The following PTPRG variants were observed in gnomAD, a reference collection of about 807,000 sequenced individuals.
The protein encoded by PTPRG is protein tyrosine phosphatase receptor type G, also known as receptor-type tyrosine-protein phosphatase gamma.
In PTPRG, 102 loss-of-function variants were observed where a neutral mutation model predicts 165.3. That is an observed-to-expected ratio of 0.62 (90% confidence interval 0.53 to 0.73). PTPRG has a LOEUF of 0.73. Among genes scored for constraint, PTPRG ranks in the 30% least tolerant of loss-of-function variants. The pLI, the probability that PTPRG is intolerant of heterozygous loss-of-function variation, is 0.00. For missense variants in PTPRG, 1,866 were observed against 1,861.4 expected (o/e 1.00, Z -0.05); for synonymous variants, 675 against 669.5 (o/e 1.01, Z -0.13).
intron 2 of PTPRG, among the ~76,000 whole-genome samples, chr3:61,810,593 G>C (rs1303533997): frequency 6.6e-6 from 1 of 152,106 alleles, no homozygotes; most frequent in Admixed American, 6.6e-5. Context: ...TGCAGACCCA[G>C]CTAGAAGACA....
intron 6 of PTPRG, among the ~76,000 whole-genome samples, chr3:62,141,007 A>G (rs552762773): frequency 6.6e-6 from 1 of 152,270 alleles, no homozygotes; most frequent in South Asian, 2.1e-4. Context: ...CTGTCCCCTT[A>G]GATTTCTGCA....
chr3:62,127,635 G>A (rs1296151805), intron 5 of PTPRG, among the ~76,000 whole-genome samples: 1 of 152,174 alleles, frequency 6.6e-6, no homozygotes, highest in African/African-American at 2.4e-5. Context: ...AACTAAAGGA[G>A]CAGCTGGCGG....
intron 13 of PTPRG, among the ~76,000 whole-genome samples, chr3:62,225,194 T>C (rs1266104571): frequency 2.0e-5 from 3 of 152,242 alleles, no homozygotes; most frequent in Non-Finnish European, 4.4e-5. Context: ...AGTCAGATAC[T>C]GCATTCCAAG....
rs2034919103 is a variant in PTPRG, at chr3:61,792,704, CTTTCTTTCTTTCTTTCTTTCTT to C, written c.190+43724_190+43745del. On this transcript the variant is annotated intron_variant, in intron 2 of 29. Coordinates refer to ENST00000474889, the MANE Select transcript of PTPRG (RefSeq NM_002841.4). ...TCTTTCTTTCTTTCTTTCTTTCTTT[CTTTCTTTCTTTCTTTCTTTCTT>C]TCTTTCTTTCTTTCTTTCTTTGAGA... Among the ~76,000 whole-genome samples, 11 of 112,398 alleles carry C rather than the reference CTTTCTTTCTTTCTTTCTTTCTT, an allele frequency of 9.8e-5. No homozygotes were observed. In the East Asian group the frequency reaches 3.4e-3, roughly 34 times the overall value. 73.7% of individuals were successfully genotyped at this position (112,398 alleles called of 152,430 possible). A position where few individuals can be genotyped will look rare whatever the true frequency, so the allele number is the denominator to read the frequency against.
chr3:61,885,740 G>T (rs2038017641), intron 2 of PTPRG, among the ~76,000 whole-genome samples: 1 of 57,572 alleles, frequency 1.7e-5, no homozygotes, highest in Non-Finnish European at 3.5e-5. Flanking sequence ...CTACAGTGCA[G>T]TGGCACTATC....
chr3:62,081,892 T>C (rs2106766694), intron 5 of PTPRG, among the ~76,000 whole-genome samples: 1 of 152,304 alleles, frequency 6.6e-6, no homozygotes, highest in East Asian at 1.9e-4. Flanking sequence ...GAACGGTTTG[T>C]CATCTATTCA....
chr3:61,863,836 A>G (rs777211392), intron 2 of PTPRG, among the ~76,000 whole-genome samples: 1 of 152,222 alleles, frequency 6.6e-6, no homozygotes, highest in African/African-American at 2.4e-5. Context: ...CCCACTTTCC[A>G]TAGAAAAGAG....
intron 6 of PTPRG, among the ~76,000 whole-genome samples, chr3:62,149,596 C>T (rs1175312040): frequency 6.6e-6 from 1 of 152,118 alleles, no homozygotes; most frequent in African/African-American, 2.4e-5. Context: ...AATACTTTCC[C>T]ACCTCCCTGC....
chr3:61,574,518 G>A (rs1282370445), intron 1 of PTPRG, among the ~76,000 whole-genome samples: 1 of 152,134 alleles, frequency 6.6e-6, no homozygotes, highest in South Asian at 2.1e-4. Flanking sequence ...TAAAGGTTAC[G>A]AGTGGAGGGT....
At chr3:61,738,317 T>TATATAC (rs1559583440) in intron 1 of PTPRG, among the ~76,000 whole-genome samples, 5 of 104,874 alleles carry the variant, frequency 4.8e-5, no homozygotes, top group South Asian at 6.3e-4. Flanking sequence ...TATATACATA[T>TATATAC]ATATATATAT....
intron 1 of PTPRG, among the ~76,000 whole-genome samples, chr3:61,570,115 G>A (rs1259001976): frequency 6.6e-6 from 1 of 152,196 alleles, no homozygotes; most frequent in African/African-American, 2.4e-5. Flanking sequence ...GAAGCAAACA[G>A]TAGTTGGGTG....
intron 15 of PTPRG, among the ~76,000 whole-genome samples, chr3:62,244,106 G>A (rs533992878): frequency 3.0e-4 from 46 of 152,340 alleles, no homozygotes; most frequent in African/African-American, 9.4e-4. Flanking sequence ...GGGAAAAACC[G>A]TACAAAAACA....
chr3:62,147,723 C>T (rs1485444214), intron 6 of PTPRG, among the ~76,000 whole-genome samples: 1 of 152,158 alleles, frequency 6.6e-6, no homozygotes, highest in Non-Finnish European at 1.5e-5. Flanking sequence ...AATTATTAGG[C>T]ACCTACTGTG....
At chr3:61,600,184 ATATATATATG>A (rs1700819581) in intron 1 of PTPRG, among the ~76,000 whole-genome samples, 1 of 97,364 alleles carries the variant, frequency 1.0e-5, no homozygotes, top group Admixed American at 1.0e-4. Flanking sequence ...ATATATATAT[ATATATATATG>A]TGTGTGTGTG....
intron 2 of PTPRG, among the ~76,000 whole-genome samples, chr3:61,895,050 C>T (rs1030433568): frequency 2.0e-5 from 3 of 152,078 alleles, no homozygotes; most frequent in Non-Finnish European, 4.4e-5. Flanking sequence ...TCCAGATGGA[C>T]GTCGTTAAAC....
chr3:61,913,170 A>G (rs530720728), intron 2 of PTPRG, among the ~76,000 whole-genome samples: 1 of 152,318 alleles, frequency 6.6e-6, no homozygotes, highest in African/African-American at 2.4e-5. Flanking sequence ...CCAAATAGTG[A>G]GCGTAGTCCC....
chr3:62,019,270 C>G (rs1185909533), intron 4 of PTPRG, among the ~76,000 whole-genome samples: 2 of 152,156 alleles, frequency 1.3e-5, no homozygotes, highest in African/African-American at 4.8e-5. Context: ...CACTTGTAAT[C>G]CAGCACTTTG....
chr3:62,124,371 C>T (rs1427612276), intron 5 of PTPRG: 14 of 1,613,138 alleles, frequency 8.7e-6, no homozygotes, highest in African/African-American at 1.3e-5. Context: ...GGATGCAAGT[C>T]CAGGGTGATC....
intron 1 of PTPRG, among the ~76,000 whole-genome samples, chr3:61,583,338 T>C (rs1333753975): frequency 6.6e-6 from 1 of 152,188 alleles, no homozygotes; most frequent in Admixed American, 6.5e-5. Flanking sequence ...ACAGTGGTCT[T>C]GTAAACTATA....
Sources: gnomAD v4.1 joint callset for allele counts (sites outside exome capture counted in the v4.1 genomes callset) on GRCh38, gnomAD v4.1.1 for gene constraint, MANE v1.5 for transcripts, NCBI Gene and HGNC (gene_info 2026-07-23, HGNC 2026-07-21) for gene names.